PLA2G2F: variants seen among roughly 807,000 people sequenced by gnomAD.
PLA2G2F encodes the protein group IIF secretory phospholipase A2.
In PLA2G2F, 17 loss-of-function variants were observed where a neutral mutation model predicts 15.9. That is an observed-to-expected ratio of 1.07 (90% CI 0.73 to 1.60). The LOEUF (loss-of-function observed/expected upper bound fraction) is 1.60. Ranked by LOEUF, PLA2G2F falls within the 40% of genes most tolerant of loss-of-function variation. PLA2G2F has a pLI of 0.00. For synonymous variants in PLA2G2F, 119 were observed against 106.5 expected (o/e 1.12, Z -0.72); for missense variants, 299 against 278.2 (o/e 1.07, Z -0.53).
rs1449086600 is a variant in PLA2G2F at position 20,143,428 on chromosome 1, C to T, written c.170-18C>T. ...GCCCCGGGGCAGGGGCTCAGAGCAC[C>T]CCCTGGTTCTCTTGCAGTTCTGTCC... On this transcript the variant is annotated intron_variant, in intron 2 of 4. Transcript: ENST00000375102. 1 of 1,611,130 alleles carries T rather than the reference C, an allele frequency of 6.2e-7. No individual in the cohort carries two copies. The highest frequency in any genetic ancestry group is 2.2e-5 in the East Asian group (1 of 44,778).
rs905662933 is a variant in PLA2G2F at position 20,150,082 on chromosome 1, C to G, written c.*1681C>G. 1 of 152,408 alleles carries G rather than the reference C, an allele frequency of 6.6e-6. No individual in the cohort carries two copies. The highest frequency in any genetic ancestry group is 1.5e-5 in the Non-Finnish European group (1 of 68,198). 9.4% of individuals were successfully genotyped at this position (152,408 alleles called of 1,614,324 possible). Reference sequence around the variant, plus strand: ...TGGAGACAAGGACACTGCCACCCAGCGCCACAGTCAGTCTGGGAGGGGCCC... The same window carrying G: ...TGGAGACAAGGACACTGCCACCCAGGGCCACAGTCAGTCTGGGAGGGGCCC... On this transcript the variant is annotated 3_prime_UTR_variant, in exon 5 of 5. Coordinates refer to ENST00000375102, the MANE Select transcript of PLA2G2F (RefSeq NM_022819.4).
intron 2 of PLA2G2F, 117 bp downstream of exon 2, chr1:20,140,335 G>A: frequency 7.1e-6 from 8 of 1,124,214 alleles, no homozygotes; most frequent in Non-Finnish European, 1.0e-5. Flanking sequence ...CTGTCTCTGG[G>A]CTTCTGCTTC....
chr1:20,146,984 T>C (rs976973191), intron 4 of PLA2G2F, among the ~76,000 whole-genome samples: 1 of 152,214 alleles, frequency 6.6e-6, no homozygotes, highest in Non-Finnish European at 1.5e-5. Context: ...GAGGTTCAGC[T>C]GGTACTTTAG....
chr1:20,144,803 G>A lies in PLA2G2F; in HGVS notation c.424+114G>A, dbSNP rs917920166. The A allele has an allele frequency of 5.4e-6, 5 of 920,900 alleles. No individual in the cohort carries two copies. The African/African-American group carries it at 6.6e-5, about 12-fold the overall frequency. The allele number at this position is 920,900 out of a possible 1,614,324, so 57.0% of individuals were successfully genotyped here. A position where few individuals can be genotyped will look rare whatever the true frequency, so the allele number is the denominator to read the frequency against. ...ATTAAATACAGGCTGCCAGCCGGGT[G>A]CGGTGGCTCATGCCTGTAATCCCAG... On this transcript the variant is annotated intron_variant, in intron 4 of 4. Coordinates refer to ENST00000375102, the MANE Select transcript of PLA2G2F (RefSeq NM_022819.4).
At chr1:20,139,574 TC>T in intron 1 of PLA2G2F, 31 bp downstream of exon 1, 1 of 1,434,850 alleles carries the variant, frequency 7.0e-7, no homozygotes, top group Non-Finnish European at 9.3e-7. Flanking sequence ...GATGGAATCC[TC>T]CAGGGAGGGG....
intron 1 of PLA2G2F, 124 bp from the exon 2 acceptor site, chr1:20,140,042 C>A: frequency 9.9e-7 from 1 of 1,010,216 alleles, no homozygotes; most frequent in Non-Finnish European, 1.5e-6. Flanking sequence ...CTAGGAGCAG[C>A]AACTAGGACA....
At chr1:20,145,306 G>A (rs567320002) in intron 4 of PLA2G2F, among the ~76,000 whole-genome samples, 5 of 145,534 alleles carry the variant, frequency 3.4e-5, no homozygotes, top group East Asian at 2.0e-4. Context: ...TTTTTGAGAC[G>A]CAGTCTCTCT....
rs1467279766 is a variant in PLA2G2F, at chr1:20,144,627, G to T, written c.362G>T (p.Gly121Val). ...TGCTACCAGGAACTCTTTGACCAAG[G>T]CTGTCACCCCTATGTGGACCACTAT... is the stretch of plus-strand genomic sequence containing the variant. ...DCCYQELFDQ[G>V]CHPYVDHYDH... Residue 121 changes from glycine (G) to valine (V), a missense_variant, in exon 4 of 5, where the codon GGC (glycine) becomes GTC (valine). Gly to Val is a moderately radical substitution (Grantham distance 109). Transcript: ENST00000375102. 6.2e-7 allele frequency: 1 copy of T among 1,612,538 alleles called. No homozygotes were observed. Among genetic ancestry groups the T allele is most frequent in the South Asian group, 1.1e-5 (1 of 90,608 alleles).
chr1:20,149,806 T>A lies in PLA2G2F; in HGVS notation c.*1405T>A, dbSNP rs1478591442. On this transcript the variant is annotated 3_prime_UTR_variant, in exon 5 of 5. Coordinates refer to ENST00000375102, the MANE Select transcript of PLA2G2F (RefSeq NM_022819.4). The stretch of plus-strand genomic sequence containing the variant: ...TTGTTTCTCCAGGTGCACCTTACCT[T>A]CCTCCTTACCTGCCCGAGCCTCAAC... 1 of 152,398 alleles carries A rather than the reference T, an allele frequency of 6.6e-6. No homozygotes were observed. Among genetic ancestry groups the A allele is most frequent in the Non-Finnish European group, 1.5e-5 (1 of 68,332 alleles). The allele number at this position is 152,398 out of a possible 1,614,324, so 9.4% of individuals were successfully genotyped here.
chr1:20,141,662 G>T (rs116218588), intron 2 of PLA2G2F: 3,526 of 152,544 alleles, frequency 0.023, 50 homozygotes, highest in Non-Finnish European at 0.033. Context: ...GGGCAGATGG[G>T]GAGGCAGCCA....
chr1:20,143,627 A>T, intron 3 of PLA2G2F, 37 bp downstream of exon 3: 1 of 1,604,874 alleles, frequency 6.2e-7, no homozygotes, highest in Non-Finnish European at 8.5e-7. Context: ...TCAGGGGCCA[A>T]ATGAGGACAG....
At chr1:20,139,676 C>T in intron 1 of PLA2G2F, 133 bp downstream of exon 1, 2 of 688,240 alleles carry the variant, frequency 2.9e-6, no homozygotes, top group Non-Finnish European at 4.7e-6. Flanking sequence ...ATTTAGTCAA[C>T]CTTCACGTGG....
intron 4 of PLA2G2F, among the ~76,000 whole-genome samples, chr1:20,145,048 C>T (rs1355660962): frequency 6.6e-6 from 1 of 151,988 alleles, no homozygotes; most frequent in East Asian, 1.9e-4. Flanking sequence ...CCACTGCATT[C>T]CAGCCTGGGA....
At position 20,149,736 on chromosome 1, in the gene PLA2G2F, G is replaced by C. The variant is rs1249265752; in HGVS notation, c.*1335G>C. 1 of 152,568 alleles carries C rather than the reference G, an allele frequency of 6.6e-6. No individual in the cohort carries two copies. Among genetic ancestry groups the C allele is most frequent in the Non-Finnish European group, 1.5e-5 (1 of 68,340 alleles). The allele number at this position is 152,568 out of a possible 1,614,324, so 9.5% of individuals were successfully genotyped here. On this transcript the variant is annotated 3_prime_UTR_variant, in exon 5 of 5. Coordinates refer to ENST00000375102, the MANE Select transcript of PLA2G2F (RefSeq NM_022819.4). Reference sequence around the variant, plus strand: ...GCTGGGTTCCTGTGTGGGGCGTGGAGCTGGGGCTGAAGTGGAGGGGACGGC... The same window carrying C: ...GCTGGGTTCCTGTGTGGGGCGTGGACCTGGGGCTGAAGTGGAGGGGACGGC...
In PLA2G2F at chr1:20,149,711, GCTGGGTT is replaced by G. The variant is rs2017693188; in HGVS notation, c.*1312_*1318del. On this transcript the variant is annotated 3_prime_UTR_variant, in exon 5 of 5. Transcript: ENST00000375102. ...GAGCTGGGGGCCAGGGCCTTACGGG[GCTGGGTT>G]CCTGTGTGGGGCGTGGAGCTGGGGC... 4 of 152,776 alleles carry G rather than the reference GCTGGGTT, an allele frequency of 2.6e-5. No homozygotes were observed. The highest frequency in any genetic ancestry group is 9.6e-5 in the African/African-American group (4 of 41,458). 9.5% of individuals were successfully genotyped at this position (152,776 alleles called of 1,614,324 possible). A position where few individuals can be genotyped will look rare whatever the true frequency, so the allele number is the denominator to read the frequency against.
At chr1:20,146,135 A>C (rs2017600167) in intron 4 of PLA2G2F, among the ~76,000 whole-genome samples, 1 of 152,136 alleles carries the variant, frequency 6.6e-6, no homozygotes, top group South Asian at 2.1e-4. Flanking sequence ...GGCTCCCCAG[A>C]TGGTTCTGAG....
intron 4 of PLA2G2F, among the ~76,000 whole-genome samples, chr1:20,147,061 G>C (rs544278777): frequency 7.9e-5 from 12 of 152,122 alleles, no homozygotes; most frequent in African/African-American, 2.4e-4. Context: ...AAAGAGTTTC[G>C]TTTAAGAAAC....
chr1:20,148,316 C>T lies in PLA2G2F; in HGVS notation c.551C>T (p.Pro184Leu), dbSNP rs778460863. 1 of 1,614,122 alleles carries T rather than the reference C, an allele frequency of 6.2e-7. No individual in the cohort carries two copies. The highest frequency in any genetic ancestry group is 8.5e-7 in the Non-Finnish European group (1 of 1,180,018). The part of the protein sequence containing the change: ...RGFLNVYCQG[P>L]TPNCSIYEPP... ...TTCCTCAATGTCTACTGCCAGGGCC[C>T]CACGCCCAACTGCAGCATCTATGAA... The change falls in exon 5 of 5, where the codon CCC becomes CTC. Residue 184 changes from proline (P) to leucine (L), a missense_variant. By Grantham distance (98) the Pro-to-Leu change is moderately conservative. Coordinates refer to ENST00000375102, the MANE Select transcript of PLA2G2F (RefSeq NM_022819.4).
chr1:20,144,452 T>G, intron 3 of PLA2G2F, 128 bp from the exon 4 acceptor site: 1 of 694,168 alleles, frequency 1.4e-6, no homozygotes, highest in South Asian at 1.7e-5. Flanking sequence ...GACAAGTAAC[T>G]GTCCCTCTCT....
Sources: allele counts gnomAD v4.1 joint callset (sites outside exome capture counted in the v4.1 genomes callset), GRCh38; gene constraint gnomAD v4.1.1; transcripts MANE v1.5; gene names NCBI Gene and HGNC (gene_info 2026-07-23, HGNC 2026-07-21).